Variants in RALYL observed in about 807,000 individuals in gnomAD.
The protein encoded by RALYL is RALY RNA binding protein like, also known as RNA-binding Raly-like protein.
RALYL carries 29 observed loss-of-function variants against 35.1 expected under a neutral mutation model. The ratio of observed to expected loss-of-function variants is 0.83; its 90% CI spans 0.61 to 1.13. RALYL has a LOEUF of 1.13. Ranked by LOEUF, RALYL falls within the 50% of genes most tolerant of loss-of-function variation. The pLI is 0.00. For missense variants in RALYL, 359 were observed against 360.4 expected (o/e 1.00, Z 0.03); for synonymous variants, 120 against 127.6 (o/e 0.94, Z 0.40).
At chr8:84,223,559 C>G (rs753236572) in intron 1 of RALYL, among the ~76,000 whole-genome samples, 12 of 152,038 alleles carry the variant, frequency 7.9e-5, no homozygotes, top group Non-Finnish European at 1.6e-4. Flanking sequence ...CACCATGAAC[C>G]CTGATTGACC....
intron 1 of RALYL, among the ~76,000 whole-genome samples, chr8:84,480,285 A>G (rs749853740): frequency 2.0e-5 from 3 of 152,168 alleles, no homozygotes; most frequent in Non-Finnish European, 4.4e-5. Flanking sequence ...TGAGTAACTC[A>G]TTACTGACTC....
chr8:84,718,602 A>G (rs1589174604), intron 2 of RALYL, among the ~76,000 whole-genome samples: 1 of 151,838 alleles, frequency 6.6e-6, no homozygotes, highest in Non-Finnish European at 1.5e-5. Flanking sequence ...CATCTCTACT[A>G]AAAATACAGA....
intron 1 of RALYL, among the ~76,000 whole-genome samples, chr8:84,447,590 A>C (rs1255406121): frequency 6.6e-6 from 1 of 152,050 alleles, no homozygotes; most frequent in Non-Finnish European, 1.5e-5. Context: ...CATGGTTAAC[A>C]CACTTCCATC....
chr8:84,235,143 T>C (rs1221296075), intron 1 of RALYL, among the ~76,000 whole-genome samples: 2 of 152,224 alleles, frequency 1.3e-5, no homozygotes, highest in African/African-American at 4.8e-5. Context: ...GAATATTTTA[T>C]GACAATTGTT....
intron 1 of RALYL, among the ~76,000 whole-genome samples, chr8:84,497,642 G>GTTTTTGT (rs1554693443): frequency 3.2e-4 from 37 of 117,242 alleles, no homozygotes; most frequent in African/African-American, 1.2e-3. Context: ...TTTTGTTTTT[G>GTTTTTGT]TTTTTTTTTT....
chr8:84,473,424 CA>C (rs1266850935), intron 1 of RALYL, among the ~76,000 whole-genome samples: 6 of 151,400 alleles, frequency 4.0e-5, no homozygotes, highest in African/African-American at 1.2e-4. Context: ...AAGAGCTAAA[CA>C]AAAAAATTGA....
intron 1 of RALYL, among the ~76,000 whole-genome samples, chr8:84,412,648 A>C (rs79196641): frequency 0.014 from 2,115 of 152,074 alleles, 29 homozygotes; most frequent in Non-Finnish European, 0.021. Context: ...CAGCCTCTAT[A>C]TTAATGATAA....
At chr8:84,657,817 T>A (rs1428509567) in intron 2 of RALYL, among the ~76,000 whole-genome samples, 1 of 152,144 alleles carries the variant, frequency 6.6e-6, no homozygotes, top group Non-Finnish European at 1.5e-5. Context: ...TGGAGTAGAT[T>A]CCACCAAGTC....
chr8:84,228,739 C>A lies in RALYL; in HGVS notation c.-24+44315C>A, dbSNP rs181765167. Among the ~76,000 whole-genome samples the A allele has an allele frequency of 4.6e-5, 7 of 152,220 alleles. No individual in the cohort carries two copies. In the East Asian group the frequency reaches 7.7e-4, roughly 17 times the overall value. On this transcript the variant is annotated intron_variant, in intron 1 of 8. Coordinates refer to ENST00000521268, the MANE Select transcript of RALYL (RefSeq NM_173848.7). ...TTAATTAACTCACAGATCTGCATGG[C>A]TTGGGAGGCCTCAGGACACCTACGG...
At chr8:84,466,263 G>A (rs1053488931) in intron 1 of RALYL, among the ~76,000 whole-genome samples, 1 of 142,724 alleles carries the variant, frequency 7.0e-6, no homozygotes, top group Admixed American at 7.0e-5. Context: ...CATTCAGTAT[G>A]ATATTGGCTG....
At chr8:84,277,647 G>A (rs1221640220) in intron 1 of RALYL, among the ~76,000 whole-genome samples, 1 of 152,158 alleles carries the variant, frequency 6.6e-6, no homozygotes, top group Non-Finnish European at 1.5e-5. Flanking sequence ...AGATTCAGTG[G>A]GGGTACAGGC....
rs545387131 is a variant in RALYL at position 84,272,101 on chromosome 8, G to GT, written c.-24+87684dup. Among the ~76,000 whole-genome samples the GT allele has an allele frequency of 9.4e-3, 1,425 of 151,762 alleles. 21 individuals are homozygous for GT. Among genetic ancestry groups the GT allele is most frequent in the African/African-American group, 0.033 (1,368 of 41,352 alleles). ...TGGTTCTTTGTTTTGTTTTATTTTT[G>GT]TTTTTTTGGAGATGGAGTTTCACTA... is the stretch of plus-strand genomic sequence containing the variant. On this transcript the variant is annotated intron_variant, in intron 1 of 8. Transcript: ENST00000521268.
At chr8:84,867,575 CCAGGG>C (rs765326951) in intron 6 of RALYL, among the ~76,000 whole-genome samples, 1 of 152,158 alleles carries the variant, frequency 6.6e-6, no homozygotes, top group Non-Finnish European at 1.5e-5. Flanking sequence ...GGCCTACACT[CCAGGG>C]TCTAAAAGAA....
chr8:84,638,157 A>G (rs772165955), intron 2 of RALYL, among the ~76,000 whole-genome samples: 1 of 151,944 alleles, frequency 6.6e-6, no homozygotes, highest in Non-Finnish European at 1.5e-5. Context: ...TACCAAAAGA[A>G]CCTTCAAAAC....
intron 2 of RALYL, among the ~76,000 whole-genome samples, chr8:84,692,503 T>C (rs2132172988): frequency 6.6e-6 from 1 of 152,158 alleles, no homozygotes; most frequent in South Asian, 2.1e-4. Flanking sequence ...CCCTGAAACC[T>C]GCAAAACCTG....
chr8:84,873,387 G>A lies in RALYL; in HGVS notation c.675G>A (p.Lys225=). The A allele has an allele frequency of 6.3e-7, 1 of 1,586,194 alleles. No homozygotes were observed. Among genetic ancestry groups the A allele is most frequent in the Non-Finnish European group, 8.6e-7 (1 of 1,163,156 alleles). The change falls in exon 7 of 9, where the codon AAG becomes AAA. Residue 225 remains lysine, a synonymous_variant. Transcript: ENST00000521268. The part of the protein sequence containing the change: ...GRLEKIEKQQ[K]AEAEAQKKQL... ...TGGAGAAGATTGAGAAACAGCAGAAGGCGGAGGCAGGTAAGTGATCTCTGA... is the reference window on the plus strand; with the variant it reads ...TGGAGAAGATTGAGAAACAGCAGAAAGCGGAGGCAGGTAAGTGATCTCTGA...
intron 1 of RALYL, among the ~76,000 whole-genome samples, chr8:84,464,656 A>C (rs1457276334): frequency 2.0e-5 from 3 of 152,028 alleles, no homozygotes; most frequent in African/African-American, 7.2e-5. Flanking sequence ...GTATATACCC[A>C]GTAATGGGAT....
chr8:84,779,140 TA>T (rs375091456), intron 3 of RALYL, among the ~76,000 whole-genome samples: 22 of 152,358 alleles, frequency 1.4e-4, no homozygotes, highest in African/African-American at 5.3e-4. Context: ...TAACTTTTAA[TA>T]AATTGCTGCT....
chr8:84,318,845 G>A (rs1318542208), intron 1 of RALYL, among the ~76,000 whole-genome samples: 1 of 152,012 alleles, frequency 6.6e-6, no homozygotes, highest in African/African-American at 2.4e-5. Flanking sequence ...TTCAATATCT[G>A]TAAAATATTT....
Sources: gnomAD v4.1 joint callset for allele counts (sites outside exome capture counted in the v4.1 genomes callset) on GRCh38, gnomAD v4.1.1 for gene constraint, MANE v1.5 for transcripts, NCBI Gene and HGNC (gene_info 2026-07-23, HGNC 2026-07-21) for gene names.